VRK2: variants seen among roughly 807,000 people sequenced by gnomAD.
The protein encoded by VRK2 is VRK serine/threonine kinase 2.
In VRK2, 60 loss-of-function variants were observed where a neutral mutation model predicts 57.6. That is an observed-to-expected ratio of 1.04 (90% CI 0.85 to 1.29). The LOEUF is 1.29. Ranked by LOEUF, VRK2 falls within the 50% of genes most tolerant of loss-of-function variation. The probability of loss-of-function intolerance (pLI) is 0.00; values close to 1 mark genes in which losing one functional copy is unlikely to be tolerated. For missense variants in VRK2, 705 were observed against 588.1 expected (o/e 1.20, Z -2.06); for synonymous variants, 231 against 199.2 (o/e 1.16, Z -1.35).
intron 7 of VRK2, among the ~76,000 whole-genome samples, chr2:58,104,981 T>C (rs1401983127): frequency 6.6e-6 from 1 of 151,908 alleles, no homozygotes; most frequent in African/African-American, 2.4e-5. Context: ...GTTCAATAAA[T>C]TGTGCTGGGA....
chr2:58,036,532 A>T lies in VRK2; in HGVS notation c.-6+2979A>T, dbSNP rs187645525. 5.5e-3 allele frequency among the ~76,000 whole-genome samples: 839 copies of T among 152,168 alleles called. 3 individuals carry two copies. Among genetic ancestry groups the T allele is most frequent in the African/African-American group, 0.019 (798 of 41,524 alleles). ...AACTCTTTCTATTCTATGTGCTGAG[A>T]TAACCCAATGTAATCAGTATCGAGA... is the stretch of plus-strand genomic sequence containing the variant. On this transcript the variant is annotated intron_variant, in intron 3 of 15. Transcript: ENST00000417641.
At chr2:57,987,867 G>T (rs1303048385) in intron 1 of VRK2, among the ~76,000 whole-genome samples, 3 of 152,184 alleles carry the variant, frequency 2.0e-5, no homozygotes, top group Non-Finnish European at 4.4e-5. Flanking sequence ...AATCTCAGAT[G>T]TGTCATGCTG....
upstream of VRK2, among the ~76,000 whole-genome samples, chr2:58,044,366 G>T (rs1674587352): frequency 6.6e-6 from 1 of 152,166 alleles, no homozygotes; most frequent in African/African-American, 2.4e-5. Context: ...ACCAATCATG[G>T]GAATTGGAAT....
intron 1 of VRK2, among the ~76,000 whole-genome samples, chr2:57,918,826 T>C (rs1373709647): frequency 6.6e-6 from 1 of 152,146 alleles, no homozygotes; most frequent in Admixed American, 6.6e-5. Flanking sequence ...CAATTGAAAT[T>C]CCATGAGCCC....
intron 1 of VRK2, among the ~76,000 whole-genome samples, chr2:57,962,097 C>T (rs1207369867): frequency 6.6e-6 from 1 of 152,096 alleles, no homozygotes; most frequent in Non-Finnish European, 1.5e-5. Flanking sequence ...AACAAACAAA[C>T]AAAAACAGTA....
intron 12 of VRK2, chr2:58,154,860 ATATT>A: frequency 1.5e-6 from 1 of 650,902 alleles, no homozygotes; most frequent in Non-Finnish European, 2.8e-6. Flanking sequence ...CATCCTGTAA[ATATT>A]TATACATTTC....
At chr2:57,916,369 G>T (rs1360023946) in intron 1 of VRK2, among the ~76,000 whole-genome samples, 2 of 148,192 alleles carry the variant, frequency 1.3e-5, no homozygotes, top group African/African-American at 5.0e-5. Flanking sequence ...TCGTGCCATT[G>T]CACTCCAGCC....
rs539043003 is a variant in VRK2 at position 58,009,795 on chromosome 2, T to C, written c.-438-15870T>C. Among the ~76,000 whole-genome samples, 108 of 152,254 alleles carry C rather than the reference T, an allele frequency of 7.1e-4. 1 individual carries two copies. Among genetic ancestry groups the C allele is most frequent in the African/African-American group, 2.4e-3 (101 of 41,566 alleles). ...ATTTAGATATGATTCTTCTATTATC[T>C]TTAAGCCTACGCTTTACTTACATGA... On this transcript the variant is annotated intron_variant, in intron 1 of 15. Transcript: ENST00000417641.
chr2:58,147,515 C>T (rs1349442967), intron 12 of VRK2, among the ~76,000 whole-genome samples: 2 of 151,826 alleles, frequency 1.3e-5, no homozygotes, highest in African/African-American at 4.8e-5. Context: ...TCAACCCTTA[C>T]TTAAGTCCAC....
At chr2:58,057,552 C>T (rs1438187725) in intron 2 of VRK2, among the ~76,000 whole-genome samples, 3 of 152,144 alleles carry the variant, frequency 2.0e-5, no homozygotes, top group Admixed American at 2.0e-4. Flanking sequence ...TGAAGTAGAC[C>T]TAATAGCAAG....
intron 1 of VRK2, among the ~76,000 whole-genome samples, chr2:57,989,029 AT>A (rs2104075431): frequency 6.6e-6 from 1 of 152,182 alleles, no homozygotes; most frequent in South Asian, 2.1e-4. Flanking sequence ...AACAGAGGGA[AT>A]TTTTCCCTAT....
At chr2:57,980,995 G>A (rs1345368404) in intron 1 of VRK2, among the ~76,000 whole-genome samples, 1 of 152,124 alleles carries the variant, frequency 6.6e-6, no homozygotes, top group Non-Finnish European at 1.5e-5. Context: ...ACTTGCCACT[G>A]TGTCTTTTAA....
chr2:58,105,596 C>G (rs531152176), intron 7 of VRK2, among the ~76,000 whole-genome samples: 2 of 151,012 alleles, frequency 1.3e-5, no homozygotes, highest in East Asian at 3.9e-4. Flanking sequence ...AATTTATGAC[C>G]AAAATATTTG....
chr2:57,966,286 G>A (rs779561926), intron 1 of VRK2, among the ~76,000 whole-genome samples: 76 of 152,316 alleles, frequency 5.0e-4, no homozygotes, highest in South Asian at 1.0e-3. Context: ...AGGAATACAG[G>A]ATCAAGGGCA....
At chr2:57,927,369 C>A (rs1397511168) in intron 1 of VRK2, among the ~76,000 whole-genome samples, 3 of 151,086 alleles carry the variant, frequency 2.0e-5, no homozygotes, top group Admixed American at 6.6e-5. Context: ...CTTTGCCTCT[C>A]GGGTTGAAGA....
chr2:58,096,414 C>G (rs1482453167), intron 7 of VRK2, among the ~76,000 whole-genome samples: 1 of 151,846 alleles, frequency 6.6e-6, no homozygotes, highest in Middle Eastern at 3.2e-3. Flanking sequence ...CTTTGTGATT[C>G]TCTACTTTTT....
At position 57,910,600 on chromosome 2, in the gene VRK2, A is replaced by T. The variant is rs554400428; in HGVS notation, c.-439+2761A>T. On this transcript the variant is annotated intron_variant, in intron 1 of 15. Coordinates refer to the VRK2 transcript ENST00000417641. ...ACTTTTTTATCATTTGTTTATCTGA[A>T]TGTGTTTCTTTATAATGTTGCCAAC... 2.8e-4 allele frequency among the ~76,000 whole-genome samples: 43 copies of T among 152,232 alleles called. 2 individuals are homozygous for T. In the South Asian group the frequency reaches 8.3e-3, roughly 29 times the overall value.
intron 3 of VRK2, among the ~76,000 whole-genome samples, chr2:58,041,440 T>A (rs1354156016): frequency 6.6e-6 from 1 of 152,148 alleles, no homozygotes; most frequent in Non-Finnish European, 1.5e-5. Flanking sequence ...GCATACCCTC[T>A]GCCCTTTGAA....
chr2:58,049,788 G>A (rs992507689), intron 2 of VRK2, among the ~76,000 whole-genome samples: 16 of 152,040 alleles, frequency 1.1e-4, no homozygotes, highest in African/African-American at 3.1e-4. Context: ...CTCCGTTGAG[G>A]GAATCTTGGG....
Sources: allele counts gnomAD v4.1 joint callset (sites outside exome capture counted in the v4.1 genomes callset), GRCh38; gene constraint gnomAD v4.1.1; transcripts MANE v1.5; gene names NCBI Gene and HGNC (gene_info 2026-07-23, HGNC 2026-07-21).